Variants in ADAM15 observed in about 807,000 individuals in gnomAD.
The protein encoded by ADAM15 is disintegrin and metalloproteinase domain-containing protein 15.
In ADAM15, 77 loss-of-function variants were observed where a neutral mutation model predicts 113.8. The observed-to-expected ratio is 0.68, with a 90% CI of 0.56 to 0.82. ADAM15 has a LOEUF of 0.82. ADAM15 is among the 40% of genes least tolerant of loss of function. The pLI is 0.00. For synonymous variants in ADAM15, 388 were observed against 454.1 expected (o/e 0.85, Z 1.85); for missense variants, 963 against 1,120.1 (o/e 0.86, Z 2.00).
intron 1 of ADAM15, 193 bp downstream of exon 1, chr1:155,051,658 T>A: frequency 2.1e-6 from 1 of 472,328 alleles, no homozygotes; most frequent in Non-Finnish European, 3.6e-6. Context: ...GGAGGGGGGA[T>A]GCCGGCGCCC....
At chr1:155,060,173 C>T (rs181009297) in intron 17 of ADAM15, 32 bp from the exon 18 acceptor site, 19 of 1,610,990 alleles carry the variant, frequency 1.2e-5, no homozygotes, top group East Asian at 1.1e-4. Flanking sequence ...TTCTTAGCCC[C>T]GTCCTCCCTT....
rs1661888569 is a variant in ADAM15, at chr1:155,057,220, GC to G, written c.1183del (p.Arg395AspfsTer57). ...FLPGLNFSNC[S>X]RRALEKALLD... ...CCAGGCCTGAACTTCAGCAACTGCA[GC>G]CGACGGGCCCTGGAGAAAGCCCTCC... is the stretch of plus-strand genomic sequence containing the variant. On this transcript the variant is annotated frameshift_variant, in exon 12 of 23. Coordinates refer to ENST00000356955, the MANE Select transcript of ADAM15 (RefSeq NM_207197.3). LOFTEE classifies it high-confidence loss of function. This position sits in a 1 kb window ranked among gnomAD's most constrained non-coding sequence, Gnocchi z 5.0. 6.2e-7 allele frequency: 1 copy of G among 1,613,956 alleles called. No individual in the cohort carries two copies. The highest frequency in any genetic ancestry group is 1.3e-5 in the African/African-American group (1 of 75,042).
In ADAM15 at chr1:155,057,010, A is replaced by T. The variant is rs1240144827; in HGVS notation, c.1057A>T (p.Ser353Cys). 1 of 1,606,374 alleles carries T rather than the reference A, an allele frequency of 6.2e-7. No homozygotes were observed. Among genetic ancestry groups the T allele is most frequent in the South Asian group, 1.1e-5 (1 of 90,162 alleles). Residue 353 changes from serine (S) to cysteine (C), a missense_variant, in exon 11 of 23, where the codon AGC (serine) becomes TGC (cysteine). Transcript: ENST00000356955. This position sits in a 1 kb window ranked among gnomAD's most constrained non-coding sequence, Gnocchi z 5.0. ...CTCCATAGCCCATGAGTTGGGCCAC[A>T]GCCTGGGCCTGGACCATGATTTGCC... ...ASSIAHELGH[S>C]LGLDHDLPGN...
In ADAM15 at chr1:155,058,800, G is replaced by A. The variant is rs375191259; in HGVS notation, c.1995+13G>A. 1.2e-6 allele frequency: 2 copies of A among 1,606,270 alleles called. No individual in the cohort carries two copies. The highest frequency in any genetic ancestry group is 8.5e-7 in the Non-Finnish European group (1 of 1,175,450). On this transcript the variant is annotated intron_variant, in intron 16 of 22. Transcript: ENST00000356955. The surrounding 1 kb of genome is among the most constrained non-coding windows in gnomAD (Gnocchi z 4.3). Reference sequence around the variant, plus strand: ...CCATGGACATGGGGTGAGCTGGGATGGGGGAAGTGGAAGGGGAGCAGAGAG... The same window carrying A: ...CCATGGACATGGGGTGAGCTGGGATAGGGGAAGTGGAAGGGGAGCAGAGAG...
intron 3 of ADAM15, among the ~76,000 whole-genome samples, 191 bp from the exon 4 acceptor site, chr1:155,053,719 A>G (rs1304124116): frequency 6.6e-6 from 1 of 152,198 alleles, no homozygotes. Context: ...TGAAAACCAG[A>G]TTGGAATTCA....
At chr1:155,060,632 G>A (rs1201367502) in intron 18 of ADAM15, 131 bp from the exon 19 acceptor site, 35 of 892,624 alleles carry the variant, frequency 3.9e-5, no homozygotes, top group African/African-American at 2.1e-4. Flanking sequence ...CCCCCACCCC[G>A]GCCCTACCAC....
chr1:155,056,313 C>G lies in ADAM15; in HGVS notation c.914+64C>G. The G allele has an allele frequency of 6.2e-7, 1 of 1,610,812 alleles. No individual in the cohort carries two copies. The highest frequency in any genetic ancestry group is 8.5e-7 in the Non-Finnish European group (1 of 1,177,650). On this transcript the variant is annotated intron_variant, in intron 9 of 22. Transcript: ENST00000356955. The surrounding 1 kb of genome is among the most constrained non-coding windows in gnomAD (Gnocchi z 4.0). ...CCTGGCCAAATTCACACCCCTTCAGCACCCTACCTCAGCCCCTGAAGCTCT... is the reference window on the plus strand; with the variant it reads ...CCTGGCCAAATTCACACCCCTTCAGGACCCTACCTCAGCCCCTGAAGCTCT...
chr1:155,057,232 T>C lies in ADAM15; in HGVS notation c.1193T>C (p.Leu398Pro). 6.2e-7 allele frequency: 1 copy of C among 1,614,088 alleles called. No individual in the cohort carries two copies. Among genetic ancestry groups the C allele is most frequent in the Non-Finnish European group, 8.5e-7 (1 of 1,179,984 alleles). ...LNFSNCSRRA[L>P]EKALLDGMGS... The stretch of plus-strand genomic sequence containing the variant: ...TTCAGCAACTGCAGCCGACGGGCCC[T>C]GGAGAAAGCCCTCCTGGATGGAATG... Residue 398 changes from leucine (L) to proline (P), a missense_variant, in exon 12 of 23, where the codon CTG becomes CCG. Physicochemically the swap from Leu to Pro is moderately conservative, Grantham distance 98 (BLOSUM62 -3). Coordinates refer to ENST00000356955, the MANE Select transcript of ADAM15 (RefSeq NM_207197.3). This position sits in a 1 kb window ranked among gnomAD's most constrained non-coding sequence, Gnocchi z 5.0.
chr1:155,055,749 G>T, intron 6 of ADAM15, 41 bp from the exon 7 acceptor site: 1 of 1,611,176 alleles, frequency 6.2e-7, no homozygotes, highest in Non-Finnish European at 8.5e-7. Flanking sequence ...TGCTGGCTGC[G>T]AGCGGCAGGT....
At chr1:155,052,974 G>GT (rs1358872281) in intron 2 of ADAM15, among the ~76,000 whole-genome samples, 197 bp downstream of exon 2, 10 of 152,230 alleles carry the variant, frequency 6.6e-5, no homozygotes, top group Non-Finnish European at 1.3e-4. Flanking sequence ...GCACACACGT[G>GT]TATCTGTCTG....
chr1:155,059,122 C>T (rs551382311), intron 16 of ADAM15, among the ~76,000 whole-genome samples: 4 of 152,252 alleles, frequency 2.6e-5, no homozygotes, highest in South Asian at 2.1e-4. Flanking sequence ...GGCTGGAGTG[C>T]GCTGGCGTGA....
At chr1:155,061,727 A>AGTC (rs1662644475) in intron 20 of ADAM15, 177 bp from the exon 21 acceptor site, 5 of 830,732 alleles carry the variant, frequency 6.0e-6, no homozygotes, top group Admixed American at 5.4e-5. Flanking sequence ...CGGTTGACCT[A>AGTC]CACCTTCCTC....
chr1:155,059,947 C>T lies in ADAM15; in HGVS notation c.2041C>T (p.Pro681Ser), dbSNP rs113851811. The change falls in exon 17 of 23, where the codon CCC becomes TCC. Residue 681 changes from proline to serine, a missense_variant. Transcript: ENST00000356955. ...RHCYCEEGWA[P>S]PDCTTQLKAT... The stretch of plus-strand genomic sequence containing the variant: ...CTGCTACTGTGAGGAGGGCTGGGCA[C>T]CCCCTGACTGCACCACTCAGCTCAA... 1.2e-5 allele frequency: 20 copies of T among 1,614,040 alleles called. 1 individual carries two copies. The African/African-American group carries it at 1.3e-4, about 11-fold the overall frequency.
chr1:155,057,497 G>A lies in ADAM15; in HGVS notation c.1323+135G>A. ...CCTCTCCTACTTGCCCTGTCTGTGGGGACAGCACATGGGTTGTTGGGCTCT... is the reference window on the plus strand; with the variant it reads ...CCTCTCCTACTTGCCCTGTCTGTGGAGACAGCACATGGGTTGTTGGGCTCT... On this transcript the variant is annotated intron_variant, in intron 12 of 22. Coordinates refer to ENST00000356955, the MANE Select transcript of ADAM15 (RefSeq NM_207197.3). The surrounding 1 kb of genome is among the most constrained non-coding windows in gnomAD (Gnocchi z 5.0). The A allele has an allele frequency of 6.7e-7, 1 of 1,483,156 alleles. No homozygotes were observed. Among genetic ancestry groups the A allele is most frequent in the South Asian group, 1.2e-5 (1 of 82,664 alleles). 91.9% of individuals were successfully genotyped at this position (1,483,156 alleles called of 1,614,324 possible).
In ADAM15 at chr1:155,057,832, G is replaced by A; in HGVS notation, c.1417-19G>A. ...GGATTTGCTCAGTGCCCACACTGATGCTCATCCACCCTCCACAGCTGCGCC... is the reference window on the plus strand; with the variant it reads ...GGATTTGCTCAGTGCCCACACTGATACTCATCCACCCTCCACAGCTGCGCC... On this transcript the variant is annotated intron_variant, in intron 13 of 22. Transcript: ENST00000356955. The surrounding 1 kb of genome is among the most constrained non-coding windows in gnomAD (Gnocchi z 5.0). 1 of 1,612,720 alleles carries A rather than the reference G, an allele frequency of 6.2e-7. No individual in the cohort carries two copies. The highest frequency in any genetic ancestry group is 8.5e-7 in the Non-Finnish European group (1 of 1,179,024).
At chr1:155,053,797 T>G in intron 3 of ADAM15, 113 bp from the exon 4 acceptor site, 1 of 1,262,312 alleles carries the variant, frequency 7.9e-7, no homozygotes, top group East Asian at 2.4e-5. Context: ...GTGGAAAAGT[T>G]GGCTGCGGGG....
Position 155,057,556 on chromosome 1 carries a change from C to T in ADAM15, c.1324-81C>T. Reference sequence around the variant, plus strand: ...CTTGCTGTGTAGCTTCTGGTCTTGGCCTGTGGGAGGAGGAGAGATTGGAGG... The same window carrying T: ...CTTGCTGTGTAGCTTCTGGTCTTGGTCTGTGGGAGGAGGAGAGATTGGAGG... On this transcript the variant is annotated intron_variant, in intron 12 of 22. Transcript: ENST00000356955. This position sits in a 1 kb window ranked among gnomAD's most constrained non-coding sequence, Gnocchi z 5.0. 1 of 1,557,330 alleles carries T rather than the reference C, an allele frequency of 6.4e-7. No individual in the cohort carries two copies.
In ADAM15 at chr1:155,058,183, T is replaced by C; in HGVS notation, c.1721+28T>C. 6.2e-7 allele frequency: 1 copy of C among 1,611,434 alleles called. No individual in the cohort carries two copies. The highest frequency in any genetic ancestry group is 8.5e-7 in the Non-Finnish European group (1 of 1,178,246). On this transcript the variant is annotated intron_variant, in intron 14 of 22. Coordinates refer to ENST00000356955, the MANE Select transcript of ADAM15 (RefSeq NM_207197.3). The surrounding 1 kb of genome is among the most constrained non-coding windows in gnomAD (Gnocchi z 4.3). ...AAGTGAGGAAACCTGGCTCCTCCTT[T>C]GGGTTTCTGAGAGCCTTGGCCCTGC...
chr1:155,060,351 C>T lies in ADAM15; in HGVS notation c.2207+8C>T, dbSNP rs1310687697. The T allele has an allele frequency of 2.5e-6, 4 of 1,612,986 alleles. No individual in the cohort carries two copies. Among genetic ancestry groups the T allele is most frequent in the East Asian group, 4.5e-5 (2 of 44,834 alleles). ...ACCCACCTGCCAGTACAGGTATGAG[C>T]ATCACCTCCCTGCTACCACTTCCTT... On this transcript the variant is annotated splice_region_variant and intron_variant, in intron 18 of 22. Transcript: ENST00000356955.
Sources: allele counts gnomAD v4.1 joint callset (sites outside exome capture counted in the v4.1 genomes callset), GRCh38; gene constraint gnomAD v4.1.1; non-coding constraint Gnocchi (gnomAD v3.1); transcripts MANE v1.5; gene names NCBI Gene and HGNC (gene_info 2026-07-23, HGNC 2026-07-21).